The following IQCM variants were observed in gnomAD, a reference collection of about 807,000 sequenced individuals.
IQCM encodes IQ domain-containing protein M.
In IQCM, 45 loss-of-function variants were observed where a neutral mutation model predicts 57.6. The observed-to-expected ratio is 0.78, with a 90% CI of 0.62 to 1.00. IQCM has a LOEUF of 1.00. Among genes scored for constraint, IQCM ranks in the 50% least tolerant of loss-of-function variants. The pLI, the probability that IQCM is intolerant of heterozygous loss-of-function variation, is 0.00. For synonymous variants in IQCM, 148 were observed against 158.9 expected, an observed-to-expected ratio of 0.93 and a Z score of 0.51; for missense variants, 468 against 511.6, an observed-to-expected ratio of 0.91 and a Z score of 0.82.
In IQCM at chr4:149,563,829, G is replaced by A. The variant is rs1476973319; in HGVS notation, c.811C>T (p.His271Tyr). 3.2e-6 allele frequency: 4 copies of A among 1,231,616 alleles called. No homozygotes were observed. The highest frequency in any genetic ancestry group is 4.0e-6 in the Non-Finnish European group (4 of 987,736). 76.3% of individuals were successfully genotyped at this position (1,231,616 alleles called of 1,614,324 possible). A position where few individuals can be genotyped will look rare whatever the true frequency, so the allele number is the denominator to read the frequency against. Residue 271 changes from histidine (H) to tyrosine (Y), a missense_variant, in exon 10 of 14, where the codon CAC becomes TAC. By Grantham distance (83) the His-to-Tyr change is moderately conservative. Transcript: ENST00000636793. ...CGGAACACTTGGAAGATTTCTATGT[G>A]TGGTCCAATTCTTTTAACTTTACTG... ...LDSKVKRIGP[H>Y]IEIFQVFRER...
At chr4:149,647,177 T>A (rs185323499) in intron 7 of IQCM, among the ~76,000 whole-genome samples, 52 of 152,312 alleles carry the variant, frequency 3.4e-4, no homozygotes, top group Non-Finnish European at 1.3e-4. Context: ...AATGCATACA[T>A]AAAAATTTTA....
intron 5 of IQCM, among the ~76,000 whole-genome samples, chr4:149,687,263 T>C (rs1433616503): frequency 6.6e-6 from 1 of 151,604 alleles, no homozygotes; most frequent in Non-Finnish European, 1.5e-5. Context: ...ATTCAAAATG[T>C]ACGTTCAGAG....
chr4:149,671,869 A>G (rs141891798), intron 7 of IQCM, among the ~76,000 whole-genome samples: 3,596 of 152,228 alleles, frequency 0.024, 72 homozygotes, highest in African/African-American at 0.051. Flanking sequence ...CTGTTCTTTT[A>G]CATTTGCTGA....
chr4:149,425,282 T>C lies in IQCM; in HGVS notation c.1390+8114A>G, dbSNP rs544512713. ...AGATCCAATAGGCTATATAGAGATA[T>C]ACATAAAGAAATTGATTATGAAGGA... On this transcript the variant is annotated intron_variant, in intron 13 of 13. Transcript: ENST00000636793. 3.9e-4 allele frequency among the ~76,000 whole-genome samples: 59 copies of C among 152,122 alleles called. No individual in the cohort carries two copies. The Middle Eastern group carries it at 0.01, about 26-fold the overall frequency.
chr4:149,383,027 A>T lies in IQCM; in HGVS notation c.1391-30961T>A, dbSNP rs1731187183. ...AAAAAAAGAAAAATTATACTGAGGC[A>T]TCAATACCCTGAAACAGGCACAAAC... On this transcript the variant is annotated intron_variant, in intron 13 of 13. Transcript: ENST00000636793. 2.0e-5 allele frequency among the ~76,000 whole-genome samples: 3 copies of T among 151,576 alleles called. No individual in the cohort carries two copies. In the South Asian group the frequency reaches 6.2e-4, roughly 32 times the overall value.
At chr4:149,794,786 A>C (rs1341566168) in intron 2 of IQCM, among the ~76,000 whole-genome samples, 1 of 152,270 alleles carries the variant, frequency 6.6e-6, no homozygotes, top group Middle Eastern at 3.4e-3. Flanking sequence ...AAAAATAGTA[A>C]ATTTAAAAGA....
intron 2 of IQCM, among the ~76,000 whole-genome samples, chr4:149,754,418 A>G (rs1023547116): frequency 6.6e-6 from 1 of 152,172 alleles, no homozygotes; most frequent in African/African-American, 2.4e-5. Flanking sequence ...CTATTTCAAG[A>G]GCACTAATTA....
intron 2 of IQCM, among the ~76,000 whole-genome samples, chr4:149,784,321 A>T (rs1418082033): frequency 6.6e-6 from 1 of 152,214 alleles, no homozygotes; most frequent in Non-Finnish European, 1.5e-5. Flanking sequence ...GATTTCAAAC[A>T]TTCTGCCTGA....
At chr4:149,673,434 C>T (rs1265503371) in intron 7 of IQCM, among the ~76,000 whole-genome samples, 1 of 151,906 alleles carries the variant, frequency 6.6e-6, no homozygotes, top group Non-Finnish European at 1.5e-5. Flanking sequence ...GAAGATCTAC[C>T]AAGCAAATGG....
intron 8 of IQCM, among the ~76,000 whole-genome samples, chr4:149,605,614 G>C (rs895913024): frequency 6.6e-6 from 1 of 152,138 alleles, no homozygotes; most frequent in Non-Finnish European, 1.5e-5. Context: ...AATAAATGAT[G>C]GTTGTAAAAA....
At chr4:149,540,254 C>T (rs1005997891) in intron 12 of IQCM, among the ~76,000 whole-genome samples, 13 of 149,214 alleles carry the variant, frequency 8.7e-5, no homozygotes, top group East Asian at 5.9e-4. Flanking sequence ...TTTAGAACTA[C>T]GAGACACTAA....
At chr4:149,442,951 CACAGAGAGAGAGAGAGAGAGAG>C (rs1169793697) in intron 12 of IQCM, among the ~76,000 whole-genome samples, 6 of 111,204 alleles carry the variant, frequency 5.4e-5, no homozygotes, top group African/African-American at 1.9e-4. Context: ...CACACACACA[CACAGAGAGAGAGAGAGAGAGAG>C]AGAGAGAGAG....
chr4:149,502,981 C>T (rs1258820393), intron 12 of IQCM, among the ~76,000 whole-genome samples: 1 of 151,686 alleles, frequency 6.6e-6, no homozygotes, highest in East Asian at 1.9e-4. Flanking sequence ...AATCCTAATA[C>T]TTTGAGAGAC....
At chr4:149,627,942 T>C (rs952446340) in intron 7 of IQCM, among the ~76,000 whole-genome samples, 2 of 152,002 alleles carry the variant, frequency 1.3e-5, no homozygotes, top group Non-Finnish European at 2.9e-5. Context: ...GGCTCATAAG[T>C]CAAGGAATGC....
intron 12 of IQCM, among the ~76,000 whole-genome samples, chr4:149,533,397 A>G (rs1201837183): frequency 1.3e-5 from 2 of 152,150 alleles, no homozygotes; most frequent in Non-Finnish European, 2.9e-5. Context: ...GTTCTTAGAA[A>G]TAAGTATAAA....
At chr4:149,475,600 C>A (rs999590333) in intron 12 of IQCM, among the ~76,000 whole-genome samples, 6 of 151,760 alleles carry the variant, frequency 4.0e-5, no homozygotes, top group African/African-American at 1.2e-4. Flanking sequence ...GAGAAGAGAG[C>A]TAAAGACTGA....
chr4:149,565,908 C>G (rs1750585154), intron 9 of IQCM, among the ~76,000 whole-genome samples: 1 of 152,104 alleles, frequency 6.6e-6, no homozygotes, highest in East Asian at 1.9e-4. Flanking sequence ...CATTTTCTTT[C>G]ACTCTCTTGA....
At position 149,699,005 on chromosome 4, in the gene IQCM, G is replaced by T. The variant is rs78777218; in HGVS notation, c.386-12537C>A. ...ACTCAATAAAATTAGTGATGTTGAT[G>T]ATTATAAAGATATGAATTTTAATAA... On this transcript the variant is annotated intron_variant, in intron 5 of 13. Transcript: ENST00000636793. 5.3e-5 allele frequency among the ~76,000 whole-genome samples: 8 copies of T among 152,066 alleles called. No homozygotes were observed. In the East Asian group the frequency reaches 1.4e-3, roughly 26 times the overall value.
At chr4:149,526,664 T>C (rs1746195268) in intron 12 of IQCM, among the ~76,000 whole-genome samples, 1 of 151,940 alleles carries the variant, frequency 6.6e-6, no homozygotes, top group South Asian at 2.1e-4. Context: ...TAAAATGCTC[T>C]CAACAGAACT....
Sources: gnomAD v4.1 joint callset for allele counts (sites outside exome capture counted in the v4.1 genomes callset) on GRCh38, gnomAD v4.1.1 for gene constraint, MANE v1.5 for transcripts, NCBI Gene and HGNC (gene_info 2026-07-23, HGNC 2026-07-21) for gene names.